Variants in CADM2 observed in about 807,000 individuals in gnomAD.
CADM2 encodes the protein cell adhesion molecule 2.
In CADM2, 12 loss-of-function variants were observed where a neutral mutation model predicts 49.8. That is an observed-to-expected ratio of 0.24 (90% CI 0.15 to 0.39). The LOEUF is 0.39. Ranked by LOEUF, CADM2 falls within the 10% of genes least tolerant of loss-of-function variation. The pLI, the probability that CADM2 is intolerant of heterozygous loss-of-function variation, is 1.00. For synonymous variants in CADM2, 214 were observed against 175.4 expected (o/e 1.22, Z -1.74); for missense variants, 378 against 492.3 (o/e 0.77, Z 2.20).
intron 3 of CADM2, among the ~76,000 whole-genome samples, chr3:85,821,459 G>A (rs1372461888): frequency 2.0e-5 from 3 of 152,094 alleles, no homozygotes; most frequent in Non-Finnish European, 4.4e-5. Flanking sequence ...AAAACAAAGT[G>A]GAAACAACCA....
chr3:85,483,995 T>A (rs966044263), intron 1 of CADM2, among the ~76,000 whole-genome samples: 10 of 151,868 alleles, frequency 6.6e-5, no homozygotes, highest in African/African-American at 2.4e-4. Context: ...AGCTATTCAA[T>A]GTTCTGAGGG....
chr3:85,062,854 A>G (rs1559641396), intron 1 of CADM2, among the ~76,000 whole-genome samples: 1 of 152,072 alleles, frequency 6.6e-6, no homozygotes, highest in East Asian at 1.9e-4. Context: ...CTTATGAATC[A>G]TATCAGAAAT....
At chr3:85,943,982 T>G (rs922156315) in intron 7 of CADM2, among the ~76,000 whole-genome samples, 3 of 152,028 alleles carry the variant, frequency 2.0e-5, no homozygotes, top group African/African-American at 7.2e-5. Context: ...ACTGGCAAAT[T>G]GGATAAACAG....
intron 1 of CADM2, among the ~76,000 whole-genome samples, chr3:85,157,368 G>T (rs2040163331): frequency 6.6e-6 from 1 of 151,542 alleles, no homozygotes; most frequent in African/African-American, 2.4e-5. Flanking sequence ...CCAAAAAAGA[G>T]CCCGCATCGC....
At chr3:85,195,930 G>A (rs1284576583) in intron 1 of CADM2, among the ~76,000 whole-genome samples, 1 of 152,030 alleles carries the variant, frequency 6.6e-6, no homozygotes, top group Non-Finnish European at 1.5e-5. Flanking sequence ...AATACAGTGA[G>A]GAATAAAGTT....
At chr3:85,939,084 T>C (rs1404395628) in intron 7 of CADM2, among the ~76,000 whole-genome samples, 1 of 152,020 alleles carries the variant, frequency 6.6e-6, no homozygotes, top group African/African-American at 2.4e-5. Flanking sequence ...GAGCCTGGTG[T>C]TCCGAACCTG....
chr3:85,867,463 C>T (rs1373843223), intron 3 of CADM2, among the ~76,000 whole-genome samples: 1 of 151,842 alleles, frequency 6.6e-6, no homozygotes, highest in African/African-American at 2.4e-5. Flanking sequence ...AATATTATGA[C>T]CTCTACCACA....
At chr3:85,984,741 G>A (rs1170384986) in intron 8 of CADM2, among the ~76,000 whole-genome samples, 1 of 151,770 alleles carries the variant, frequency 6.6e-6, no homozygotes. Context: ...CCAAAAAATG[G>A]TGATTAAAGT....
chr3:85,853,657 T>C (rs2075193826), intron 3 of CADM2, among the ~76,000 whole-genome samples: 1 of 149,082 alleles, frequency 6.7e-6, no homozygotes, highest in South Asian at 2.1e-4. Context: ...AAACCAAAAC[T>C]AGAAACTTCC....
intron 1 of CADM2, among the ~76,000 whole-genome samples, chr3:85,641,254 T>A (rs2064701226): frequency 6.6e-6 from 1 of 152,132 alleles, no homozygotes; most frequent in African/African-American, 2.4e-5. Flanking sequence ...GTAAATACAC[T>A]AGTAATAGAA....
intron 5 of CADM2, among the ~76,000 whole-genome samples, chr3:85,891,076 C>A (rs890875000): frequency 1.3e-5 from 2 of 152,092 alleles, no homozygotes; most frequent in East Asian, 3.9e-4. Flanking sequence ...TCATCCAACT[C>A]TGTTTTTTAT....
chr3:85,604,682 C>G (rs1273307807), intron 1 of CADM2, among the ~76,000 whole-genome samples: 1 of 151,926 alleles, frequency 6.6e-6, no homozygotes, highest in East Asian at 1.9e-4. Flanking sequence ...ATGCTAGCAT[C>G]TTTTTGTTGT....
chr3:85,353,448 T>A (rs940849638), intron 1 of CADM2, among the ~76,000 whole-genome samples: 1 of 152,100 alleles, frequency 6.6e-6, no homozygotes, highest in East Asian at 1.9e-4. Flanking sequence ...TTCAGGGAAA[T>A]AATTCTGTCT....
intron 1 of CADM2, among the ~76,000 whole-genome samples, chr3:85,695,728 A>G (rs2066532043): frequency 6.6e-6 from 1 of 152,118 alleles, no homozygotes; most frequent in Admixed American, 6.5e-5. Context: ...ATACACTTGC[A>G]AGTGTCTTTT....
At chr3:85,637,679 C>A (rs1437543084) in intron 1 of CADM2, among the ~76,000 whole-genome samples, 1 of 150,480 alleles carries the variant, frequency 6.6e-6, no homozygotes, top group African/African-American at 2.4e-5. Flanking sequence ...CTTATTATTT[C>A]TCAGAAGGGA....
chr3:85,277,965 C>A (rs2043399944), intron 1 of CADM2, among the ~76,000 whole-genome samples: 1 of 151,146 alleles, frequency 6.6e-6, no homozygotes, highest in African/African-American at 2.4e-5. Flanking sequence ...GCTTTCTGAC[C>A]ACATGCAAGG....
At chr3:86,000,112 C>A (rs1393923224) in intron 8 of CADM2, among the ~76,000 whole-genome samples, 1 of 152,096 alleles carries the variant, frequency 6.6e-6, no homozygotes, top group Non-Finnish European at 1.5e-5. Flanking sequence ...TTTAATGAGT[C>A]TGAGGAGAGA....
chr3:85,146,756 T>C (rs962188207), intron 1 of CADM2, among the ~76,000 whole-genome samples: 1 of 152,198 alleles, frequency 6.6e-6, no homozygotes, highest in Non-Finnish European at 1.5e-5. Flanking sequence ...AAACATACAG[T>C]ATAAATAAGT....
chr3:85,063,033 C>G (rs2036392960), intron 1 of CADM2, among the ~76,000 whole-genome samples: 1 of 151,854 alleles, frequency 6.6e-6, no homozygotes, highest in Non-Finnish European at 1.5e-5. Context: ...TCTTGTTGAC[C>G]TGATTTACAC....
Sources: gnomAD v4.1 joint callset for allele counts (sites outside exome capture counted in the v4.1 genomes callset) on GRCh38, gnomAD v4.1.1 for gene constraint, MANE v1.5 for transcripts, NCBI Gene and HGNC (gene_info 2026-07-23, HGNC 2026-07-21) for gene names.